The following TRAF3 variants were observed in gnomAD, a reference collection of about 807,000 sequenced individuals.
The protein encoded by TRAF3 is TNF receptor-associated factor 3.
TRAF3 carries 13 observed loss-of-function variants against 62.3 expected under a neutral mutation model. That is an observed-to-expected ratio of 0.21 (90% CI 0.14 to 0.33). The LOEUF (loss-of-function observed/expected upper bound fraction) is 0.33. Ranked by LOEUF, TRAF3 falls within the 10% of genes least tolerant of loss-of-function variation. TRAF3 has a pLI of 1.00. For missense variants in TRAF3, 440 were observed against 741.8 expected, an observed-to-expected ratio of 0.59 and a Z score of 4.73; for synonymous variants, 269 against 283.4, an observed-to-expected ratio of 0.95 and a Z score of 0.51.
chr14:102,800,405 C>T (rs137999948), intron 1 of TRAF3, among the ~76,000 whole-genome samples: 213 of 152,268 alleles, frequency 1.4e-3, no homozygotes, highest in African/African-American at 4.9e-3. Context: ...GTGAGAGAGT[C>T]GGGGTTCATA....
intron 1 of TRAF3, among the ~76,000 whole-genome samples, chr14:102,820,591 TATA>T (rs1899854089): frequency 1.4e-4 from 1 of 7,008 alleles, no homozygotes; most frequent in Non-Finnish European, 2.5e-4. Flanking sequence ...TATATATATA[TATA>T]TATATATATA....
At chr14:102,829,313 G>A (rs866066848) in intron 1 of TRAF3, among the ~76,000 whole-genome samples, 5 of 152,244 alleles carry the variant, frequency 3.3e-5, no homozygotes, top group Non-Finnish European at 4.4e-5. Context: ...CGTGATTAGT[G>A]TAAATAAATT....
At chr14:102,875,107 A>G (rs1888569649) in intron 4 of TRAF3, among the ~76,000 whole-genome samples, 1 of 152,216 alleles carries the variant, frequency 6.6e-6, no homozygotes, top group African/African-American at 2.4e-5. Flanking sequence ...GAAGGAACCA[A>G]CAGTTTTACA....
At chr14:102,885,654 G>A (rs1188980366) in intron 6 of TRAF3, among the ~76,000 whole-genome samples, 1 of 152,234 alleles carries the variant, frequency 6.6e-6, no homozygotes, top group Admixed American at 6.5e-5. Flanking sequence ...GTAGATTAAG[G>A]TTCTAGGTTA....
intron 10 of TRAF3, among the ~76,000 whole-genome samples, chr14:102,899,385 G>T (rs916024107): frequency 1.3e-5 from 2 of 152,146 alleles, no homozygotes; most frequent in South Asian, 2.1e-4. Context: ...CAGCTCAGCC[G>T]TGTTCCCCAC....
At chr14:102,870,680 C>T (rs552346505) in intron 3 of TRAF3, among the ~76,000 whole-genome samples, 1 of 152,178 alleles carries the variant, frequency 6.6e-6, no homozygotes, top group East Asian at 1.9e-4. Flanking sequence ...CTTCCCACTC[C>T]GTCTGTAGAG....
At chr14:102,818,179 T>G (rs1198456295) in intron 1 of TRAF3, among the ~76,000 whole-genome samples, 1 of 152,240 alleles carries the variant, frequency 6.6e-6, no homozygotes, top group Non-Finnish European at 1.5e-5. Context: ...ACCATTTGTC[T>G]TTAATTCTGG....
At chr14:102,868,224 A>AC in intron 2 of TRAF3, among the ~76,000 whole-genome samples, 1 of 152,220 alleles carries the variant, frequency 6.6e-6, no homozygotes, top group Non-Finnish European at 1.5e-5. Context: ...CCTGAGGCTT[A>AC]CCGTATCGTG....
chr14:102,837,800 T>C (rs971085822), intron 2 of TRAF3, among the ~76,000 whole-genome samples: 1 of 152,226 alleles, frequency 6.6e-6, no homozygotes, highest in Admixed American at 6.5e-5. Flanking sequence ...GCAAAAATAC[T>C]ATGGTCAAAT....
intron 2 of TRAF3, among the ~76,000 whole-genome samples, chr14:102,854,520 C>T (rs575855667): frequency 6.6e-6 from 1 of 152,182 alleles, no homozygotes; most frequent in African/African-American, 2.4e-5. Context: ...GGTTTTGAGA[C>T]AGAGTCTTAC....
intron 9 of TRAF3, among the ~76,000 whole-genome samples, 167 bp from the exon 10 acceptor site, chr14:102,897,094 A>G (rs1344538555): frequency 6.6e-6 from 1 of 152,172 alleles, no homozygotes; most frequent in Non-Finnish European, 1.5e-5. Flanking sequence ...AAAAAGAAAG[A>G]AAGAAAAGTA....
At chr14:102,814,550 C>G (rs1326506683) in intron 1 of TRAF3, among the ~76,000 whole-genome samples, 2 of 152,186 alleles carry the variant, frequency 1.3e-5, no homozygotes, top group Non-Finnish European at 2.9e-5. Flanking sequence ...GACAGGGTCT[C>G]ACTTCGTTAT....
intron 2 of TRAF3, among the ~76,000 whole-genome samples, chr14:102,830,909 C>T (rs991075514): frequency 6.6e-6 from 1 of 152,206 alleles, no homozygotes; most frequent in African/African-American, 2.4e-5. Flanking sequence ...AATTTAGGCT[C>T]AACTTACAAG....
In TRAF3 at chr14:102,811,816, T is replaced by G. The variant is rs1899184237; in HGVS notation, c.-156-18518T>G. ...AGGCTGGAGTGCAGTGGTGCAGTCA[T>G]AACTTACTGTAACCTTGAACTCGTG... On this transcript the variant is annotated intron_variant, in intron 1 of 11. Coordinates refer to ENST00000392745, the MANE Select transcript of TRAF3 (RefSeq NM_145725.3). Among the ~76,000 whole-genome samples, 3 of 148,468 alleles carry G rather than the reference T, an allele frequency of 2.0e-5. No individual in the cohort carries two copies. The South Asian group carries it at 6.5e-4, about 32-fold the overall frequency.
In TRAF3 at chr14:102,855,921, G is replaced by T. The variant is rs193289585; in HGVS notation, c.-17-14264G>T. On this transcript the variant is annotated intron_variant, in intron 2 of 11. Transcript: ENST00000392745. ...AACCTGGGCAATATAATGACACCCCGTCTCTACAGACAATAAAATAACTAG... is the reference window on the plus strand; with the variant it reads ...AACCTGGGCAATATAATGACACCCCTTCTCTACAGACAATAAAATAACTAG... Among the ~76,000 whole-genome samples the T allele has an allele frequency of 5.7e-3, 866 of 151,708 alleles. 9 individuals are homozygous for T. The highest frequency in any genetic ancestry group is 9.8e-3 in the Admixed American group (149 of 15,228).
intron 1 of TRAF3, among the ~76,000 whole-genome samples, chr14:102,811,493 AC>A (rs1161950406): frequency 7.5e-6 from 1 of 133,136 alleles, no homozygotes; most frequent in Non-Finnish European, 1.6e-5. Flanking sequence ...CTGGCTCTTG[AC>A]CATTCCCACA....
At chr14:102,784,385 G>A (rs1897394959) in intron 1 of TRAF3, among the ~76,000 whole-genome samples, 2 of 151,920 alleles carry the variant, frequency 1.3e-5, no homozygotes, top group South Asian at 4.1e-4. Context: ...ACCTCGCCTG[G>A]CTAATTTTTG....
At chr14:102,871,230 C>T (rs1888325680) in intron 3 of TRAF3, among the ~76,000 whole-genome samples, 1 of 152,262 alleles carries the variant, frequency 6.6e-6, no homozygotes, top group East Asian at 1.9e-4. Context: ...TGTCACCTGC[C>T]TTCACCCTCC....
At chr14:102,781,578 C>T (rs1897274114) in intron 1 of TRAF3, among the ~76,000 whole-genome samples, 1 of 152,162 alleles carries the variant, frequency 6.6e-6, no homozygotes, top group Non-Finnish European at 1.5e-5. Context: ...GAGGATCATT[C>T]TAGTCTGGGT....
Sources: gnomAD v4.1 joint callset for allele counts (sites outside exome capture counted in the v4.1 genomes callset) on GRCh38, gnomAD v4.1.1 for gene constraint, MANE v1.5 for transcripts, NCBI Gene and HGNC (gene_info 2026-07-23, HGNC 2026-07-21) for gene names.